ERC1: variants seen among roughly 807,000 people sequenced by gnomAD.
The protein encoded by ERC1 is ELKS/RAB6-interacting/CAST family member 1, also known as RAB6 interacting protein 2.
In ERC1, 56 loss-of-function variants were observed where a neutral mutation model predicts 132.0. That is an observed-to-expected ratio of 0.42 (90% confidence interval 0.34 to 0.53). The LOEUF is 0.53. Ranked by LOEUF, ERC1 falls within the 20% of genes least tolerant of loss-of-function variation. The pLI is 0.03. For synonymous variants in ERC1, 478 were observed against 476.1 expected (o/e 1.00, Z -0.05); for missense variants, 1,202 against 1,349.9 (o/e 0.89, Z 1.72).
At chr12:1,055,183 T>C (rs921118641) in intron 2 of ERC1, among the ~76,000 whole-genome samples, 3 of 152,174 alleles carry the variant, frequency 2.0e-5, no homozygotes, top group Non-Finnish European at 4.4e-5. Flanking sequence ...TTCTTTCTTC[T>C]TTCCTTTCTT....
At chr12:1,124,497 G>C (rs1800173088) in intron 7 of ERC1, among the ~76,000 whole-genome samples, 1 of 152,108 alleles carries the variant, frequency 6.6e-6, no homozygotes, top group South Asian at 2.1e-4. Flanking sequence ...AAAAAAATCT[G>C]TGGGGTGTAA....
chr12:1,092,690 A>G (rs150025432), intron 3 of ERC1, among the ~76,000 whole-genome samples: 13 of 152,272 alleles, frequency 8.5e-5, no homozygotes, highest in Non-Finnish European at 1.3e-4. Flanking sequence ...GGCGGGTGCA[A>G]TGGCTCACGT....
intron 15 of ERC1, among the ~76,000 whole-genome samples, chr12:1,295,978 A>G (rs748270172): frequency 1.3e-5 from 2 of 150,824 alleles, no homozygotes; most frequent in Non-Finnish European, 2.9e-5. Context: ...TGCAGTAGAA[A>G]TCACCTCTGA....
chr12:1,193,603 T>C (rs1423506946), intron 12 of ERC1, among the ~76,000 whole-genome samples: 1 of 152,132 alleles, frequency 6.6e-6, no homozygotes, highest in Non-Finnish European at 1.5e-5. Context: ...TGTAAAATCG[T>C]GGGGCTGGCT....
At chr12:1,159,706 T>C (rs1951716143) in intron 8 of ERC1, among the ~76,000 whole-genome samples, 1 of 152,216 alleles carries the variant, frequency 6.6e-6, no homozygotes, top group African/African-American at 2.4e-5. Context: ...TTCTGATGAC[T>C]TTTATGTGTC....
intron 15 of ERC1, among the ~76,000 whole-genome samples, chr12:1,326,387 T>G (rs773684393): frequency 2.6e-5 from 4 of 152,184 alleles, no homozygotes; most frequent in Non-Finnish European, 5.9e-5. Context: ...GGGATAATCA[T>G]GAATCTACAG....
chr12:1,318,474 G>C (rs895827163), intron 15 of ERC1, among the ~76,000 whole-genome samples: 4 of 152,216 alleles, frequency 2.6e-5, no homozygotes, highest in African/African-American at 4.8e-5. Flanking sequence ...AGCTCAAACT[G>C]TTCGGAGTAC....
At chr12:1,377,339 A>G (rs1041255086) in intron 16 of ERC1, among the ~76,000 whole-genome samples, 3 of 152,204 alleles carry the variant, frequency 2.0e-5, no homozygotes, top group Admixed American at 6.5e-5. Context: ...AGGTTGGGAA[A>G]ACCAGCCTAT....
At chr12:1,226,309 A>G (rs902169733) in intron 12 of ERC1, among the ~76,000 whole-genome samples, 4 of 152,212 alleles carry the variant, frequency 2.6e-5, no homozygotes, top group Non-Finnish European at 5.9e-5. Flanking sequence ...ATAAAATAGC[A>G]TGCATTTAAG....
At chr12:1,256,413 C>CTTGCCACT (rs1594588779) in intron 13 of ERC1, among the ~76,000 whole-genome samples, 11 of 128,260 alleles carry the variant, frequency 8.6e-5, no homozygotes, top group African/African-American at 1.8e-4. Context: ...ATTTCGTTCT[C>CTTGCCACT]AGACTAAAAA....
At chr12:1,217,164 T>C (rs1259440686) in intron 12 of ERC1, among the ~76,000 whole-genome samples, 1 of 152,196 alleles carries the variant, frequency 6.6e-6, no homozygotes, top group Non-Finnish European at 1.5e-5. Context: ...TGAAAAAAGT[T>C]GACAATATAT....
At chr12:1,049,380 A>G (rs1971555135) in intron 2 of ERC1, among the ~76,000 whole-genome samples, 1 of 152,166 alleles carries the variant, frequency 6.6e-6, no homozygotes, top group African/African-American at 2.4e-5. Flanking sequence ...TTGGCTGCAT[A>G]TTGGTATCAC....
chr12:1,334,810 T>C (rs2083173968), intron 15 of ERC1, among the ~76,000 whole-genome samples: 1 of 152,214 alleles, frequency 6.6e-6, no homozygotes, highest in Non-Finnish European at 1.5e-5. Flanking sequence ...AATCTATAAA[T>C]TGCTTTGTTC....
chr12:1,388,622 T>C (rs941878298), intron 16 of ERC1, among the ~76,000 whole-genome samples: 2 of 152,186 alleles, frequency 1.3e-5, no homozygotes, highest in African/African-American at 4.8e-5. Context: ...GAGAGGCTTT[T>C]AGTCTCACCG....
Position 1,493,548 on chromosome 12 carries a change from A to AAAATATATATATATATATATATAT in ERC1, c.*3319_*3320insAATATATATATATATATATATATA, listed in dbSNP as rs56939346. On this transcript the variant is annotated 3_prime_UTR_variant, in exon 19 of 19. Coordinates refer to ENST00000360905, the MANE Select transcript of ERC1 (RefSeq NM_178040.4). The stretch of plus-strand genomic sequence containing the variant: ...ACTCCATTTAAAAAAAAAAAAAAAA[A>AAAATATATATATATATATATATAT]ATATATATATATATATATATATATA... 7.3e-5 allele frequency: 1 copy of AAAATATATATATATATATATATAT among 13,620 alleles called. No homozygotes were observed. Among genetic ancestry groups the AAAATATATATATATATATATATAT allele is most frequent in the African/African-American group, 2.2e-4 (1 of 4,564 alleles). The allele number at this position is 13,620 out of a possible 1,614,324, so 0.8% of individuals were successfully genotyped here. A position where few individuals can be genotyped will look rare whatever the true frequency, so the allele number is the denominator to read the frequency against.
At chr12:1,050,513 TG>T (rs1230524134) in intron 2 of ERC1, among the ~76,000 whole-genome samples, 1 of 152,172 alleles carries the variant, frequency 6.6e-6, no homozygotes, top group African/African-American at 2.4e-5. Flanking sequence ...TTAGGACTGC[TG>T]GGGGAAGGCT....
At chr12:1,273,302 A>G (rs201411020) in intron 14 of ERC1, among the ~76,000 whole-genome samples, 1 of 152,322 alleles carries the variant, frequency 6.6e-6, no homozygotes, top group East Asian at 1.9e-4. Flanking sequence ...TTTCCTATGT[A>G]CTGCAAATAC....
At chr12:1,131,037 G>C (rs2154239889) in intron 7 of ERC1, among the ~76,000 whole-genome samples, 1 of 152,284 alleles carries the variant, frequency 6.6e-6, no homozygotes, top group East Asian at 1.9e-4. Flanking sequence ...AAATATAATA[G>C]ATACCAGTCA....
Position 1,068,182 on chromosome 12 carries a change from G to A in ERC1, c.670-14982G>A, listed in dbSNP as rs137957249. ...CCTGACTTTGTGATCTGCCCACCTC[G>A]GCCTCCCAAAGTACTGGGATTACAG... On this transcript the variant is annotated intron_variant, in intron 2 of 18. Coordinates refer to ENST00000360905, the MANE Select transcript of ERC1 (RefSeq NM_178040.4). Among the ~76,000 whole-genome samples the A allele has an allele frequency of 1.7e-3, 261 of 151,956 alleles. 3 individuals carry two copies. Among genetic ancestry groups the A allele is most frequent in the African/African-American group, 5.8e-3 (239 of 41,438 alleles).
Sources: gnomAD v4.1 joint callset for allele counts (sites outside exome capture counted in the v4.1 genomes callset) on GRCh38, gnomAD v4.1.1 for gene constraint, MANE v1.5 for transcripts, NCBI Gene and HGNC (gene_info 2026-07-23, HGNC 2026-07-21) for gene names.